MAML2: variants seen among roughly 807,000 people sequenced by gnomAD.
MAML2 encodes mastermind-like protein 2.
A neutral mutation model predicts 96.1 loss-of-function variants in MAML2; 22 were observed. That is an observed-to-expected ratio of 0.23 (90% CI 0.16 to 0.33). The LOEUF (loss-of-function observed/expected upper bound fraction) is 0.33. Among genes scored for constraint, MAML2 ranks in the 10% least tolerant of loss-of-function variants. The pLI is 1.00. For synonymous variants in MAML2, 561 were observed against 521.3 expected (o/e 1.08, Z -1.04); for missense variants, 1,367 against 1,392.4 (o/e 0.98, Z 0.29).
At chr11:96,016,172 T>C (rs139097910) in intron 2 of MAML2, among the ~76,000 whole-genome samples, 224 of 151,980 alleles carry the variant, frequency 1.5e-3, no homozygotes, top group African/African-American at 4.8e-3. Context: ...AGATAGACTG[T>C]TTGGTTCAGT....
Position 96,315,891 on chromosome 11 carries a change from A to G in MAML2, c.513+25492T>C, listed in dbSNP as rs529939349. Among the ~76,000 whole-genome samples the G allele has an allele frequency of 5.9e-5, 9 of 152,230 alleles. 1 individual carries two copies. In the South Asian group the frequency reaches 8.3e-4, roughly 14 times the overall value. On this transcript the variant is annotated intron_variant, in intron 1 of 4. Coordinates refer to ENST00000524717, the MANE Select transcript of MAML2 (RefSeq NM_032427.4). Reference sequence around the variant, plus strand: ...CAACTTCACAACTAATTTTTTCCCAATGGTCAGATCGGCAGGTAGACTGAA... The same window carrying G: ...CAACTTCACAACTAATTTTTTCCCAGTGGTCAGATCGGCAGGTAGACTGAA...
intron 1 of MAML2, among the ~76,000 whole-genome samples, chr11:96,178,993 GCT>G (rs2135908511): frequency 6.6e-6 from 1 of 152,236 alleles, no homozygotes; most frequent in East Asian, 1.9e-4. Context: ...AGTGCTGCAG[GCT>G]GTACACGTGC....
At chr11:96,004,100 TTC>T (rs1858139679) in intron 2 of MAML2, among the ~76,000 whole-genome samples, 2 of 152,222 alleles carry the variant, frequency 1.3e-5, no homozygotes, top group Non-Finnish European at 2.9e-5. Flanking sequence ...AGCCTATACT[TTC>T]TCTTCACAAA....
At chr11:96,230,225 G>C (rs887243057) in intron 1 of MAML2, among the ~76,000 whole-genome samples, 2 of 152,112 alleles carry the variant, frequency 1.3e-5, no homozygotes, top group Non-Finnish European at 2.9e-5. Context: ...ATATGAGTAT[G>C]ATGATGACAA....
chr11:95,979,040 C>T lies in MAML2; in HGVS notation c.3379G>A (p.Asp1127Asn). ...NMGPALNSDA[D>N]FIDSLLKTEP... ...GTCTTCAATAAAGAATCAATGAAAT[C>T]AGCATCACTGTTTAGGGCAGGGCCC... is the stretch of plus-strand genomic sequence containing the variant. The change falls in exon 5 of 5, where the codon GAT becomes AAT. Residue 1127 changes from aspartate (D) to asparagine (N), a missense_variant. Physicochemically the swap from Asp to Asn is conservative, Grantham distance 23 (BLOSUM62 1). Transcript: ENST00000524717. The T allele has an allele frequency of 2.5e-6, 4 of 1,613,972 alleles. No homozygotes were observed. Among genetic ancestry groups the T allele is most frequent in the Non-Finnish European group, 3.4e-6 (4 of 1,179,872 alleles).
intron 1 of MAML2, among the ~76,000 whole-genome samples, chr11:96,187,049 C>A (rs1465944981): frequency 6.6e-6 from 1 of 152,158 alleles, no homozygotes; most frequent in Non-Finnish European, 1.5e-5. Flanking sequence ...TTTGAACATT[C>A]CTGGTGCCCT....
intron 2 of MAML2, among the ~76,000 whole-genome samples, chr11:96,002,126 A>C (rs1158359402): frequency 6.6e-6 from 1 of 151,606 alleles, no homozygotes; most frequent in African/African-American, 2.4e-5. Flanking sequence ...AGCCTTTGTC[A>C]CTCTATATCA....
At chr11:96,040,556 C>T (rs1183267597) in intron 2 of MAML2, among the ~76,000 whole-genome samples, 1 of 152,162 alleles carries the variant, frequency 6.6e-6, no homozygotes, top group Non-Finnish European at 1.5e-5. Context: ...CACCTGAGGT[C>T]AGGAGTTTGA....
intron 1 of MAML2, among the ~76,000 whole-genome samples, chr11:96,245,371 T>C (rs1862496435): frequency 6.6e-6 from 1 of 152,200 alleles, no homozygotes; most frequent in South Asian, 2.1e-4. Flanking sequence ...ATTAATGCCA[T>C]GTGAGAATTT....
intron 1 of MAML2, among the ~76,000 whole-genome samples, chr11:96,094,317 T>A (rs1165475803): frequency 6.6e-6 from 1 of 152,220 alleles, no homozygotes. Context: ...GTGCCAATTC[T>A]GTCACTGGGT....
intron 1 of MAML2, among the ~76,000 whole-genome samples, chr11:96,106,148 AC>A (rs1860017838): frequency 6.6e-6 from 1 of 152,184 alleles, no homozygotes; most frequent in Non-Finnish European, 1.5e-5. Context: ...CAATGCCCTC[AC>A]TTTGATCTGA....
chr11:96,326,384 TGTG>T (rs1863781106), intron 1 of MAML2, among the ~76,000 whole-genome samples: 2 of 150,828 alleles, frequency 1.3e-5, no homozygotes, highest in Admixed American at 6.6e-5. Context: ...TGTGTGTGTG[TGTG>T]CATGTATGTG....
intron 1 of MAML2, among the ~76,000 whole-genome samples, chr11:96,122,419 A>G (rs1229814372): frequency 1.3e-5 from 2 of 152,098 alleles, no homozygotes; most frequent in East Asian, 3.9e-4. Flanking sequence ...TGGAGCAGTC[A>G]TAAAGAACGG....
At chr11:96,187,304 C>T (rs1861589714) in intron 1 of MAML2, among the ~76,000 whole-genome samples, 2 of 152,212 alleles carry the variant, frequency 1.3e-5, no homozygotes. Flanking sequence ...CAAATTAACT[C>T]ATTACCTAGA....
intron 1 of MAML2, among the ~76,000 whole-genome samples, chr11:96,095,612 A>C (rs1021683454): frequency 2.0e-5 from 3 of 152,328 alleles, no homozygotes; most frequent in Middle Eastern, 3.4e-3. Flanking sequence ...ATCTGTAGAA[A>C]GAGAGAAAAA....
At chr11:96,274,790 T>C (rs760955946) in intron 1 of MAML2, among the ~76,000 whole-genome samples, 30 of 152,190 alleles carry the variant, frequency 2.0e-4, no homozygotes, top group Admixed American at 7.2e-4. Flanking sequence ...AATGCATTCT[T>C]TTTGTAAATA....
At chr11:96,293,644 A>G (rs1326847937) in intron 1 of MAML2, among the ~76,000 whole-genome samples, 2 of 152,218 alleles carry the variant, frequency 1.3e-5, no homozygotes, top group Non-Finnish European at 2.9e-5. Context: ...CAAAAATGTC[A>G]GGCTGAAAAA....
At chr11:95,988,807 TA>T (rs1479147749) in intron 3 of MAML2, among the ~76,000 whole-genome samples, 2 of 152,170 alleles carry the variant, frequency 1.3e-5, no homozygotes, top group African/African-American at 4.8e-5. Flanking sequence ...AGTGTAAACA[TA>T]TAGGCCATTC....
chr11:96,191,103 A>G (rs7130357), intron 1 of MAML2, among the ~76,000 whole-genome samples: 23,650 of 152,126 alleles, frequency 0.16, 1,971 homozygotes, highest in African/African-American at 0.2. Context: ...CTAAACTACT[A>G]TTATGTAAGA....
Sources: gnomAD v4.1 joint callset for allele counts (sites outside exome capture counted in the v4.1 genomes callset) on GRCh38, gnomAD v4.1.1 for gene constraint, MANE v1.5 for transcripts, NCBI Gene and HGNC (gene_info 2026-07-23, HGNC 2026-07-21) for gene names.